The following AGO3 variants were observed in gnomAD, a reference collection of about 807,000 sequenced individuals.
The protein encoded by AGO3 is argonaute RISC catalytic component 3.
AGO3 carries 16 observed loss-of-function variants against 105.5 expected under a neutral mutation model. The observed-to-expected ratio is 0.15, with a 90% CI of 0.10 to 0.23. The LOEUF (loss-of-function observed/expected upper bound fraction) is 0.23, where lower values mean the gene tolerates loss of function less well. Ranked by LOEUF, AGO3 falls within the 10% of genes least tolerant of loss-of-function variation. AGO3 has a pLI of 1.00. For synonymous variants in AGO3, 340 were observed against 367.3 expected (o/e 0.93, Z 0.85); for missense variants, 534 against 1,088.0 (o/e 0.49, Z 7.16).
chr1:36,015,471 G>A (rs932320285), intron 11 of AGO3, among the ~76,000 whole-genome samples: 21 of 152,136 alleles, frequency 1.4e-4, no homozygotes, highest in Non-Finnish European at 1.9e-4. Flanking sequence ...GGCCCCTTTC[G>A]CCTCCTTGGA....
intron 5 of AGO3, among the ~76,000 whole-genome samples, chr1:35,975,869 A>G (rs1331756062): frequency 1.3e-5 from 2 of 151,430 alleles, no homozygotes; most frequent in Admixed American, 6.6e-5. Context: ...TTTGTTTAAG[A>G]TTACTTTCAT....
At chr1:35,975,167 T>C (rs1229148804) in intron 5 of AGO3, among the ~76,000 whole-genome samples, 1 of 152,188 alleles carries the variant, frequency 6.6e-6, no homozygotes, top group African/African-American at 2.4e-5. Context: ...TTTGTATCAT[T>C]GTTGCCAGAT....
At chr1:35,994,632 C>T (rs1400167608) in intron 5 of AGO3, among the ~76,000 whole-genome samples, 1 of 151,896 alleles carries the variant, frequency 6.6e-6, no homozygotes, top group Non-Finnish European at 1.5e-5. Context: ...AAGAATCTAC[C>T]AAAACAAACC....
chr1:36,022,062 CT>C (rs34538981), intron 11 of AGO3, among the ~76,000 whole-genome samples: 7,147 of 110,196 alleles, frequency 0.065, 349 homozygotes, highest in East Asian at 0.36. Flanking sequence ...AGTTGGGGGC[CT>C]TTTTTTTTTT....
At chr1:36,039,651 A>G (rs1389032842) in intron 14 of AGO3, 139 bp from the exon 15 acceptor site, 2 of 602,052 alleles carry the variant, frequency 3.3e-6, no homozygotes, top group African/African-American at 1.9e-5. Flanking sequence ...CCAACTCAGA[A>G]TTACTATTTT....
At chr1:35,950,956 A>G (rs2148754915) in intron 2 of AGO3, among the ~76,000 whole-genome samples, 1 of 152,102 alleles carries the variant, frequency 6.6e-6, no homozygotes, top group East Asian at 1.9e-4. Flanking sequence ...TTGCATTTTT[A>G]TTTTATTTAT....
At chr1:35,957,438 T>G (rs917066951) in intron 2 of AGO3, among the ~76,000 whole-genome samples, 3 of 152,078 alleles carry the variant, frequency 2.0e-5, no homozygotes, top group African/African-American at 7.2e-5. Flanking sequence ...TGAAATGCTC[T>G]GTATGAGCTG....
chr1:35,948,343 G>A (rs181495392), intron 2 of AGO3, among the ~76,000 whole-genome samples: 3 of 150,926 alleles, frequency 2.0e-5, no homozygotes, highest in African/African-American at 7.3e-5. Context: ...TCAGCCTCCC[G>A]AGTAGTTGGG....
intron 11 of AGO3, among the ~76,000 whole-genome samples, chr1:36,025,407 CA>C (rs201609794): frequency 0.028 from 1,772 of 62,288 alleles, 46 homozygotes; most frequent in East Asian, 0.25. Context: ...CTTGAAAGGC[CA>C]AAAAAAAAAA....
intron 1 of AGO3, among the ~76,000 whole-genome samples, chr1:35,944,768 T>C (rs906372132): frequency 2.0e-5 from 3 of 152,206 alleles, no homozygotes; most frequent in African/African-American, 7.2e-5. Flanking sequence ...CCTCCCAAAG[T>C]CCTGGGATTG....
At chr1:35,992,746 C>G (rs1028296369) in intron 5 of AGO3, among the ~76,000 whole-genome samples, 1 of 152,122 alleles carries the variant, frequency 6.6e-6, no homozygotes, top group Non-Finnish European at 1.5e-5. Context: ...AGTTATCTAC[C>G]ACTGCATATC....
At chr1:35,933,201 A>G (rs977909287) in intron 1 of AGO3, among the ~76,000 whole-genome samples, 5 of 152,204 alleles carry the variant, frequency 3.3e-5, no homozygotes, top group African/African-American at 1.2e-4. Context: ...CAGTTTATAC[A>G]TGATTGAATG....
chr1:35,985,868 A>G (rs1025302862), intron 5 of AGO3, among the ~76,000 whole-genome samples: 1 of 152,222 alleles, frequency 6.6e-6, no homozygotes, highest in Non-Finnish European at 1.5e-5. Context: ...TTTACAAAAT[A>G]TAAGAACAGA....
chr1:36,036,374 A>G, intron 14 of AGO3, 107 bp downstream of exon 14: 1 of 1,087,534 alleles, frequency 9.2e-7, no homozygotes, highest in Non-Finnish European at 1.4e-6. Context: ...ACTTTCATAA[A>G]TGTTCTTTGG....
intron 5 of AGO3, among the ~76,000 whole-genome samples, chr1:35,976,882 C>T (rs1361812846): frequency 1.3e-5 from 2 of 152,076 alleles, no homozygotes; most frequent in African/African-American, 4.8e-5. Flanking sequence ...CTAAAAAATT[C>T]AGAAGTTTTC....
chr1:35,948,543 G>A (rs956690834), intron 2 of AGO3, among the ~76,000 whole-genome samples: 3 of 146,364 alleles, frequency 2.0e-5, no homozygotes, highest in South Asian at 4.3e-4. Context: ...GAACAGAATT[G>A]TTTATTAGAT....
chr1:36,066,787 A>C lies in AGO3; in HGVS notation c.*11042A>C, dbSNP rs1017569428. 1.3e-5 allele frequency: 2 copies of C among 152,180 alleles called. No individual in the cohort carries two copies. The highest frequency in any genetic ancestry group is 4.8e-5 in the African/African-American group (2 of 41,452). The allele number at this position is 152,180 out of a possible 1,614,324, so 9.4% of individuals were successfully genotyped here. ...ACTGGAGGTCTTTGTAAAGAAATAG[A>C]CTAGTAGGATTGTGAGAATATATAG... On this transcript the variant is annotated 3_prime_UTR_variant, in exon 19 of 19. Coordinates refer to ENST00000373191, the MANE Select transcript of AGO3 (RefSeq NM_024852.4).
chr1:35,987,715 T>TATG (rs1198529568), intron 5 of AGO3, among the ~76,000 whole-genome samples: 2 of 151,220 alleles, frequency 1.3e-5, no homozygotes, highest in Non-Finnish European at 2.9e-5. Context: ...AGAGTATGTT[T>TATG]ATGTGAGCAA....
At chr1:35,991,511 A>T (rs955022409) in intron 5 of AGO3, among the ~76,000 whole-genome samples, 1 of 148,748 alleles carries the variant, frequency 6.7e-6, no homozygotes, top group Non-Finnish European at 1.5e-5. Context: ...TCTTCATGAG[A>T]ATAGGGTACC....
Sources: gnomAD v4.1 joint callset for allele counts (sites outside exome capture counted in the v4.1 genomes callset) on GRCh38, gnomAD v4.1.1 for gene constraint, MANE v1.5 for transcripts, NCBI Gene and HGNC (gene_info 2026-07-23, HGNC 2026-07-21) for gene names.